HMGCLL1: variants seen among roughly 807,000 people sequenced by gnomAD.
HMGCLL1 encodes the protein 3-hydroxymethyl-3-methylglutaryl-CoA lyase, cytoplasmic.
Under a neutral mutation model 39.1 loss-of-function variants are expected in HMGCLL1, and 36 were observed. That is an observed-to-expected ratio of 0.92 (90% CI 0.71 to 1.22). HMGCLL1 has a LOEUF of 1.22. Ranked by LOEUF, HMGCLL1 falls within the 50% of genes most tolerant of loss-of-function variation. HMGCLL1 has a pLI of 0.00. For missense variants in HMGCLL1, 451 were observed against 416.5 expected (o/e 1.08, Z -0.72); for synonymous variants, 149 against 144.0 (o/e 1.03, Z -0.25).
At chr6:55,658,348 C>T in the HMGCLL1 span, among the ~76,000 whole-genome samples, 3 of 151,902 alleles carry the variant, frequency 2.0e-5, no homozygotes, top group Non-Finnish European at 4.4e-5. Context: ...TGCTAATACT[C>T]CCAACAAAAA....
the HMGCLL1 span, among the ~76,000 whole-genome samples, chr6:55,663,573 C>A: frequency 6.6e-6 from 1 of 151,782 alleles, no homozygotes; most frequent in Admixed American, 6.6e-5. Context: ...TTTGCATTTG[C>A]TGAGGATTGT....
chr6:55,510,487 T>C (rs1767394956), intron 5 of HMGCLL1, among the ~76,000 whole-genome samples: 1 of 151,296 alleles, frequency 6.6e-6, no homozygotes. Context: ...TCATGTCCTT[T>C]GTAGGGACAT....
chr6:55,506,193 G>C (rs1038031460), intron 5 of HMGCLL1, among the ~76,000 whole-genome samples: 2 of 151,686 alleles, frequency 1.3e-5, no homozygotes, highest in African/African-American at 4.8e-5. Context: ...CAGACATAGA[G>C]ACTGGTTCAG....
rs73451198 is a variant in HMGCLL1 at position 55,558,664 on chromosome 6, C to G, written c.109-16524G>C. Among the ~76,000 whole-genome samples, 282 of 152,252 alleles carry G rather than the reference C, an allele frequency of 1.9e-3. 1 individual carries two copies. Among genetic ancestry groups the G allele is most frequent in the African/African-American group, 6.5e-3 (270 of 41,542 alleles). On this transcript the variant is annotated intron_variant, in intron 1 of 8. Transcript: ENST00000274901. ...ATCACAAATAAGCAGAGCCACTGCT[C>G]CAAGAATCACTTAGTCCCATACATG...
intron 7 of HMGCLL1, among the ~76,000 whole-genome samples, chr6:55,487,153 A>G (rs1169922750): frequency 6.6e-6 from 1 of 151,916 alleles, no homozygotes; most frequent in Non-Finnish European, 1.5e-5. Flanking sequence ...CACTATTCCA[A>G]CAGTGTTCTC....
the HMGCLL1 span, among the ~76,000 whole-genome samples, chr6:55,652,985 G>C: frequency 0.33 from 49,966 of 151,778 alleles, 8,411 homozygotes; most frequent in East Asian, 0.41. Flanking sequence ...TCTTTACCTA[G>C]TTGCTTTAAA....
intron 7 of HMGCLL1, among the ~76,000 whole-genome samples, chr6:55,469,445 A>T (rs10948925): frequency 7.1e-6 from 1 of 141,602 alleles, no homozygotes; most frequent in Non-Finnish European, 1.5e-5. Flanking sequence ...ATATATACAT[A>T]TATATGTATA....
At chr6:55,477,504 T>TGTA (rs1488283794) in intron 7 of HMGCLL1, among the ~76,000 whole-genome samples, 2 of 77,668 alleles carry the variant, frequency 2.6e-5, no homozygotes, top group Non-Finnish European at 4.9e-5. Flanking sequence ...ATATTACATA[T>TGTA]ATTATATATG....
intron 7 of HMGCLL1, among the ~76,000 whole-genome samples, chr6:55,480,273 T>C (rs1197792390): frequency 6.6e-6 from 1 of 151,530 alleles, no homozygotes. Context: ...CAAATAACTC[T>C]ATAGGAAAAA....
chr6:55,630,442 T>G, the HMGCLL1 span, among the ~76,000 whole-genome samples: 1 of 152,108 alleles, frequency 6.6e-6, no homozygotes, highest in Admixed American at 6.6e-5. Context: ...TTACCTTGTC[T>G]CAGATGAGAC....
At chr6:55,499,365 T>C in intron 5 of HMGCLL1, 66 bp from the exon 6 acceptor site, 1 of 1,248,036 alleles carries the variant, frequency 8.0e-7, no homozygotes, top group Non-Finnish European at 1.1e-6. Flanking sequence ...TTTATAAAAA[T>C]TAAGAATTAG....
rs1189293903 is a variant in HMGCLL1 at position 55,505,283 on chromosome 6, T to C, written c.543-5984A>G. Among the ~76,000 whole-genome samples the C allele has an allele frequency of 2.0e-5, 3 of 151,694 alleles. No homozygotes were observed. The East Asian group carries it at 5.8e-4, about 29-fold the overall frequency. ...ACAAAAAGTATAAGTAAAAGTCATG[T>C]ATAAATGTCACAAACATTTGGAGTG... is the stretch of plus-strand genomic sequence containing the variant. On this transcript the variant is annotated intron_variant, in intron 5 of 8. Transcript: ENST00000274901.
the HMGCLL1 span, among the ~76,000 whole-genome samples, chr6:55,657,322 A>G: frequency 6.6e-6 from 1 of 151,800 alleles, no homozygotes; most frequent in African/African-American, 2.4e-5. Context: ...TCTAGGGTTT[A>G]TATAGTTTTG....
At chr6:55,574,105 CATCAT>C in intron 1 of HMGCLL1, among the ~76,000 whole-genome samples, 1 of 151,580 alleles carries the variant, frequency 6.6e-6, no homozygotes, top group East Asian at 1.9e-4. Flanking sequence ...TACTTATAAA[CATCAT>C]ATATGTGTGT....
intron 3 of HMGCLL1, among the ~76,000 whole-genome samples, chr6:55,536,289 T>C (rs1769020545): frequency 6.6e-6 from 1 of 152,224 alleles, no homozygotes. Flanking sequence ...AGTTAAAAAA[T>C]AGCTAATGAG....
chr6:55,584,755 A>G, the HMGCLL1 span, among the ~76,000 whole-genome samples: 1 of 152,094 alleles, frequency 6.6e-6, no homozygotes, highest in Admixed American at 6.6e-5. Context: ...AAGTGAACCA[A>G]TTGAAGTTCT....
At chr6:55,647,158 C>T in the HMGCLL1 span, among the ~76,000 whole-genome samples, 3 of 151,798 alleles carry the variant, frequency 2.0e-5, no homozygotes, top group Non-Finnish European at 4.4e-5. Context: ...TATATAATGA[C>T]CTTCTCTTTT....
chr6:55,519,084 C>G (rs995269841), intron 3 of HMGCLL1, among the ~76,000 whole-genome samples: 1 of 152,116 alleles, frequency 6.6e-6, no homozygotes, highest in Non-Finnish European at 1.5e-5. Flanking sequence ...GGAAATCACA[C>G]ACTGTGATGT....
chr6:55,522,101 C>T (rs908856027), intron 3 of HMGCLL1, among the ~76,000 whole-genome samples: 1 of 151,838 alleles, frequency 6.6e-6, no homozygotes, highest in African/African-American at 2.4e-5. Context: ...AGGGAAAGGC[C>T]TGATGCTCTT....
Sources: gnomAD v4.1 joint callset for allele counts (sites outside exome capture counted in the v4.1 genomes callset) on GRCh38, gnomAD v4.1.1 for gene constraint, MANE v1.5 for transcripts, NCBI Gene and HGNC (gene_info 2026-07-23, HGNC 2026-07-21) for gene names.